Variants in ANKRD29 observed in about 807,000 individuals in gnomAD.
ANKRD29 encodes the protein ankyrin repeat domain-containing protein 29.
In ANKRD29, 32 loss-of-function variants were observed where a neutral mutation model predicts 38.0. The ratio of observed to expected loss-of-function variants is 0.84; its 90% CI spans 0.64 to 1.13. ANKRD29 has a LOEUF of 1.13. Among genes scored for constraint, ANKRD29 ranks in the 50% most tolerant of loss-of-function variants. ANKRD29 has a pLI of 0.00. For missense variants in ANKRD29, 357 were observed against 377.9 expected (o/e 0.94, Z 0.46); for synonymous variants, 135 against 152.4 (o/e 0.89, Z 0.84).
chr18:23,601,447 G>C (rs2059511141), intron 9 of ANKRD29, 138 bp from the exon 10 acceptor site: 1 of 628,916 alleles, frequency 1.6e-6, no homozygotes, highest in South Asian at 2.0e-5. Context: ...TTTATATAAA[G>C]GTATTACAAA....
chr18:23,609,082 G>T (rs1452372930), intron 9 of ANKRD29: 2 of 150,998 alleles, frequency 1.3e-5, no homozygotes, highest in African/African-American at 4.9e-5. Context: ...CAACAAGAGA[G>T]AAATTCTGTT....
At chr18:23,635,802 A>C (rs2059995122) in intron 4 of ANKRD29, among the ~76,000 whole-genome samples, 1 of 152,132 alleles carries the variant, frequency 6.6e-6, no homozygotes, top group African/African-American at 2.4e-5. Context: ...AAACACTGCT[A>C]TAAGAGGTCT....
intron 5 of ANKRD29, among the ~76,000 whole-genome samples, chr18:23,630,801 T>A (rs2059920801): frequency 6.7e-6 from 1 of 150,066 alleles, no homozygotes; most frequent in African/African-American, 2.5e-5. Context: ...TTTCTAAAAA[T>A]TCTTTTTTTT....
chr18:23,657,155 G>A (rs1035639351), intron 1 of ANKRD29, among the ~76,000 whole-genome samples: 1 of 152,160 alleles, frequency 6.6e-6, no homozygotes, highest in African/African-American at 2.4e-5. Flanking sequence ...CCACCTGATC[G>A]TTCTTCCTTA....
chr18:23,603,997 C>G (rs189415076), intron 9 of ANKRD29, among the ~76,000 whole-genome samples: 59 of 152,146 alleles, frequency 3.9e-4, no homozygotes, highest in African/African-American at 1.3e-3. Flanking sequence ...TGCACACCAC[C>G]ATGCCCAGCT....
chr18:23,645,552 C>A (rs1294450453), intron 3 of ANKRD29, among the ~76,000 whole-genome samples: 1 of 152,104 alleles, frequency 6.6e-6, no homozygotes, highest in Non-Finnish European at 1.5e-5. Flanking sequence ...CCAGCCTGGG[C>A]CACAGGGCGA....
chr18:23,630,554 G>A (rs959797536), intron 5 of ANKRD29, among the ~76,000 whole-genome samples: 2 of 152,180 alleles, frequency 1.3e-5, no homozygotes, highest in African/African-American at 4.8e-5. Flanking sequence ...CCAGGAGGTG[G>A]AGGTTACAGT....
At chr18:23,612,056 G>T in intron 9 of ANKRD29, 36 bp downstream of exon 9, 1 of 1,586,140 alleles carries the variant, frequency 6.3e-7, no homozygotes, top group South Asian at 1.1e-5. Context: ...ACACATCAAT[G>T]GGCCCAAACG....
At chr18:23,638,599 A>G (rs888303453) in intron 4 of ANKRD29, among the ~76,000 whole-genome samples, 1 of 152,352 alleles carries the variant, frequency 6.6e-6, no homozygotes, top group East Asian at 1.9e-4. Context: ...GTATCAGTTC[A>G]GGAAAGGATA....
At chr18:23,649,875 G>A (rs1368884738) in intron 1 of ANKRD29, among the ~76,000 whole-genome samples, 6 of 152,098 alleles carry the variant, frequency 3.9e-5, no homozygotes, top group Non-Finnish European at 8.8e-5. Flanking sequence ...GACTACAGGC[G>A]TGCGCCACCA....
chr18:23,616,703 G>T, intron 8 of ANKRD29, among the ~76,000 whole-genome samples: 1 of 143,574 alleles, frequency 7.0e-6, no homozygotes, highest in Non-Finnish European at 1.5e-5. Flanking sequence ...AAATATATTA[G>T]TAATTAGTAA....
At chr18:23,636,216 A>G (rs912085551) in intron 4 of ANKRD29, among the ~76,000 whole-genome samples, 4 of 152,044 alleles carry the variant, frequency 2.6e-5, no homozygotes, top group African/African-American at 7.2e-5. Flanking sequence ...GGCTCACTGC[A>G]GCCTTGAACT....
chr18:23,625,906 G>T (rs1374335498), intron 6 of ANKRD29, among the ~76,000 whole-genome samples: 1 of 152,026 alleles, frequency 6.6e-6, no homozygotes, highest in African/African-American at 2.4e-5. Flanking sequence ...CCTATATCTG[G>T]AGCCTTCTTC....
At chr18:23,633,865 G>A (rs769474266) in intron 5 of ANKRD29, among the ~76,000 whole-genome samples, 186 bp downstream of exon 5, 11 of 145,364 alleles carry the variant, frequency 7.6e-5, no homozygotes, top group African/African-American at 1.7e-4. Context: ...CACCGCGCCC[G>A]GCCAGATATG....
chr18:23,617,653 A>C, intron 8 of ANKRD29, 79 bp downstream of exon 8: 1 of 1,226,952 alleles, frequency 8.2e-7, no homozygotes, highest in Non-Finnish European at 1.2e-6. Context: ...CTGCACCCAA[A>C]TTCGACACAG....
chr18:23,658,232 C>T (rs2060309487), intron 1 of ANKRD29, among the ~76,000 whole-genome samples: 2 of 151,976 alleles, frequency 1.3e-5, no homozygotes, highest in South Asian at 2.1e-4. Context: ...ACAGGGAGAC[C>T]CCTATCTCTA....
At position 23,638,903 on chromosome 18, in the gene ANKRD29, A is replaced by C. The variant is rs760763903; in HGVS notation, c.276T>G (p.Asn92Lys). ...ATCCAAAGAGAAATCTCACGACATC[A>C]TTATGGCCTTGCTGGGCGGCAAAGA... ...ALFFAAQQGH[N>K]DVVRFLFGFG... The change falls in exon 4 of 10, where the codon AAT becomes AAG. Residue 92 changes from asparagine to lysine, a missense_variant. Coordinates refer to ENST00000592179, the MANE Select transcript of ANKRD29 (RefSeq NM_173505.4). 41 of 1,613,218 alleles carry C rather than the reference A, an allele frequency of 2.5e-5. No homozygotes were observed. The highest frequency in any genetic ancestry group is 3.3e-5 in the Non-Finnish European group (39 of 1,179,852).
intron 4 of ANKRD29, among the ~76,000 whole-genome samples, chr18:23,638,064 C>G (rs1351673358): frequency 2.3e-5 from 3 of 128,376 alleles, no homozygotes; most frequent in African/African-American, 9.0e-5. Flanking sequence ...GTAGCGTGAT[C>G]TTGGCTCACT....
At chr18:23,651,848 G>C (rs1350468914) in intron 1 of ANKRD29, among the ~76,000 whole-genome samples, 7 of 152,334 alleles carry the variant, frequency 4.6e-5, no homozygotes, top group Non-Finnish European at 1.0e-4. Flanking sequence ...AATTTACTAA[G>C]AGGCAGCAAC....
Sources: allele counts gnomAD v4.1 joint callset (sites outside exome capture counted in the v4.1 genomes callset), GRCh38; gene constraint gnomAD v4.1.1; transcripts MANE v1.5; gene names NCBI Gene and HGNC (gene_info 2026-07-23, HGNC 2026-07-21).